The following SNX29 variants were observed in gnomAD, a reference collection of about 807,000 sequenced individuals.
SNX29 encodes the protein sorting nexin 29.
SNX29 carries 78 observed loss-of-function variants against 102.1 expected under a neutral mutation model. That is an observed-to-expected ratio of 0.76 (90% CI 0.64 to 0.92). The LOEUF is 0.92. SNX29 is among the 40% of genes least tolerant of loss of function. SNX29 has a pLI of 0.00. For missense variants in SNX29, 1,280 were observed against 1,061.7 expected, an observed-to-expected ratio of 1.21 and a Z score of -2.86; for synonymous variants, 580 against 414.5, an observed-to-expected ratio of 1.40 and a Z score of -4.85.
At position 12,569,245 on chromosome 16, in the gene SNX29, C is replaced by T. The variant is rs1156364884; in HGVS notation, c.*616C>T. The stretch of plus-strand genomic sequence containing the variant: ...ATATTCCTGTGGCTTTGGCAAGGAG[C>T]CATTAGTGATGTGCAACTTGAGTTC... On this transcript the variant is annotated 3_prime_UTR_variant, in exon 21 of 21. Coordinates refer to ENST00000566228, the MANE Select transcript of SNX29 (RefSeq NM_032167.5). The T allele has an allele frequency of 1.8e-5, 4 of 226,034 alleles. No individual in the cohort carries two copies. Among genetic ancestry groups the T allele is most frequent in the East Asian group, 6.4e-5 (1 of 15,670 alleles). The allele number at this position is 226,034 out of a possible 1,614,324, so 14.0% of individuals were successfully genotyped here.
intron 16 of SNX29, among the ~76,000 whole-genome samples, chr16:12,384,027 C>A (rs367579601): frequency 2.3e-4 from 35 of 152,154 alleles, no homozygotes; most frequent in African/African-American, 8.2e-4. Flanking sequence ...CCAGTTCCAT[C>A]CATGTTGTTG....
intron 13 of SNX29, among the ~76,000 whole-genome samples, chr16:12,157,164 G>A (rs117323820): frequency 4.6e-5 from 7 of 152,226 alleles, no homozygotes; most frequent in Non-Finnish European, 8.8e-5. Flanking sequence ...CAGTCGCCTC[G>A]GAAGGATGGG....
chr16:12,571,003 AGAGTC>A lies in SNX29; in HGVS notation c.*2380_*2384del, dbSNP rs1185592747. ...TCCCCCATGATCATGCACAGACCGT[AGAGTC>A]GAGTCATCTCGCAGATCCAGACCAT... On this transcript the variant is annotated 3_prime_UTR_variant, in exon 21 of 21. Coordinates refer to ENST00000566228, the MANE Select transcript of SNX29 (RefSeq NM_032167.5). The A allele has an allele frequency of 3.4e-5, 8 of 232,456 alleles. No homozygotes were observed. The highest frequency in any genetic ancestry group is 2.6e-5 in the Non-Finnish European group (3 of 117,602). 14.4% of individuals were successfully genotyped at this position (232,456 alleles called of 1,614,324 possible). A position where few individuals can be genotyped will look rare whatever the true frequency, so the allele number is the denominator to read the frequency against.
chr16:12,101,627 G>A (rs1399741553), intron 11 of SNX29, among the ~76,000 whole-genome samples: 3 of 152,048 alleles, frequency 2.0e-5, no homozygotes, highest in Non-Finnish European at 4.4e-5. Flanking sequence ...CAAGTGATCT[G>A]CCTGCCTTGG....
chr16:12,054,764 C>A (rs1210338448), intron 8 of SNX29, among the ~76,000 whole-genome samples: 1 of 152,324 alleles, frequency 6.6e-6, no homozygotes, highest in Admixed American at 6.5e-5. Flanking sequence ...CTGTCTCTCT[C>A]TCTTCAGGCA....
chr16:12,415,353 A>C (rs777268906), intron 18 of SNX29, among the ~76,000 whole-genome samples: 22 of 152,250 alleles, frequency 1.4e-4, no homozygotes, highest in Non-Finnish European at 2.5e-4. Context: ...GTCTTGATCA[A>C]GATGCACTCA....
At chr16:12,523,166 C>T (rs1414471777) in intron 19 of SNX29, among the ~76,000 whole-genome samples, 1 of 152,134 alleles carries the variant, frequency 6.6e-6, no homozygotes, top group African/African-American at 2.4e-5. Context: ...TGGTTTTTCT[C>T]GTTGCTGACA....
chr16:12,220,542 T>C (rs1394507780), intron 14 of SNX29, among the ~76,000 whole-genome samples: 1 of 152,046 alleles, frequency 6.6e-6, no homozygotes, highest in Non-Finnish European at 1.5e-5. Flanking sequence ...AAGAGTGAAA[T>C]GACCTGAGCC....
At chr16:12,504,642 TGA>T (rs1040975863) in intron 19 of SNX29, among the ~76,000 whole-genome samples, 1 of 152,244 alleles carries the variant, frequency 6.6e-6, no homozygotes, top group Non-Finnish European at 1.5e-5. Flanking sequence ...TAAGATATTT[TGA>T]GAGAGAGACC....
chr16:12,044,396 C>T (rs1311231108), intron 5 of SNX29, among the ~76,000 whole-genome samples: 1 of 152,064 alleles, frequency 6.6e-6, no homozygotes, highest in Non-Finnish European at 1.5e-5. Flanking sequence ...TTCTCTGTTG[C>T]CTGTGGCTCC....
intron 13 of SNX29, among the ~76,000 whole-genome samples, chr16:12,164,286 G>A (rs1440307616): frequency 6.6e-6 from 1 of 152,170 alleles, no homozygotes; most frequent in Non-Finnish European, 1.5e-5. Context: ...AGGCATTTGA[G>A]TGGAGTTTGG....
chr16:12,042,629 C>T (rs1340165074), intron 4 of SNX29, among the ~76,000 whole-genome samples: 1 of 152,230 alleles, frequency 6.6e-6, no homozygotes, highest in Non-Finnish European at 1.5e-5. Flanking sequence ...GGCCTCCAGT[C>T]ATCCATGTTG....
At chr16:12,177,155 C>T (rs1303510076) in intron 13 of SNX29, among the ~76,000 whole-genome samples, 4 of 152,098 alleles carry the variant, frequency 2.6e-5, no homozygotes, top group African/African-American at 9.7e-5. Flanking sequence ...CTTGTGTTTT[C>T]TGGGCTGGTC....
chr16:12,296,311 A>G (rs1224690429), intron 15 of SNX29, among the ~76,000 whole-genome samples: 1 of 152,214 alleles, frequency 6.6e-6, no homozygotes, highest in East Asian at 1.9e-4. Flanking sequence ...GAGTGGATAA[A>G]ATTGGCTTTC....
intron 19 of SNX29, among the ~76,000 whole-genome samples, chr16:12,491,879 A>G (rs1475736281): frequency 1.3e-5 from 2 of 152,162 alleles, no homozygotes; most frequent in East Asian, 1.9e-4. Flanking sequence ...TTATGGCTGC[A>G]TAGTATTCCG....
At chr16:12,529,742 T>C (rs1597760706) in intron 20 of SNX29, among the ~76,000 whole-genome samples, 2 of 152,156 alleles carry the variant, frequency 1.3e-5, no homozygotes, top group African/African-American at 4.8e-5. Flanking sequence ...TGCTGAAATA[T>C]GAGCTGCCTT....
At chr16:12,068,087 C>G (rs1162543867) in intron 9 of SNX29, among the ~76,000 whole-genome samples, 1 of 152,154 alleles carries the variant, frequency 6.6e-6, no homozygotes, top group Non-Finnish European at 1.5e-5. Flanking sequence ...CAAGCAGGAG[C>G]AGTTTTGTCT....
At chr16:11,982,325 C>T (rs2055435691) in intron 1 of SNX29, among the ~76,000 whole-genome samples, 1 of 151,822 alleles carries the variant, frequency 6.6e-6, no homozygotes, top group South Asian at 2.1e-4. Flanking sequence ...TTTGTTGTTA[C>T]TGGGAAAGTA....
intron 15 of SNX29, among the ~76,000 whole-genome samples, chr16:12,355,015 A>G (rs1338068520): frequency 6.6e-6 from 1 of 152,156 alleles, no homozygotes; most frequent in East Asian, 1.9e-4. Context: ...TCACAGAGCA[A>G]GTTACTGGAA....
Sources: gnomAD v4.1 joint callset for allele counts (sites outside exome capture counted in the v4.1 genomes callset) on GRCh38, gnomAD v4.1.1 for gene constraint, MANE v1.5 for transcripts, NCBI Gene and HGNC (gene_info 2026-07-23, HGNC 2026-07-21) for gene names.